RGPD3: variants seen among roughly 807,000 people sequenced by gnomAD.
RGPD3 encodes ranBP2-like and GRIP domain-containing protein 3.
RGPD3 carries 62 observed loss-of-function variants against 154.5 expected under a neutral mutation model. That is an observed-to-expected ratio of 0.40 (90% CI 0.33 to 0.50). RGPD3 has a LOEUF of 0.50. Among genes scored for constraint, RGPD3 ranks in the 20% least tolerant of loss-of-function variants. The pLI, the probability that RGPD3 is intolerant of heterozygous loss-of-function variation, is 0.59. For missense variants in RGPD3, 919 were observed against 1,716.8 expected (o/e 0.54, Z 8.21); for synonymous variants, 308 against 607.0 (o/e 0.51, Z 7.24).
chr2:106,455,113 A>G (rs1474196958), intron 4 of RGPD3, among the ~76,000 whole-genome samples: 4 of 152,262 alleles, frequency 2.6e-5, no homozygotes, highest in African/African-American at 9.6e-5. Context: ...AGTGGCAGTG[A>G]GCCGAGATAG....
chr2:106,412,363 A>C (rs1187941464), intron 22 of RGPD3, among the ~76,000 whole-genome samples: 1 of 118,462 alleles, frequency 8.4e-6, no homozygotes, highest in Non-Finnish European at 1.6e-5. Flanking sequence ...GTCAGGCTGG[A>C]GTACAGTGGT....
At chr2:106,451,097 AAAAC>A (rs1678108598) in intron 6 of RGPD3, among the ~76,000 whole-genome samples, 4 of 133,970 alleles carry the variant, frequency 3.0e-5, no homozygotes, top group Admixed American at 7.5e-5. Flanking sequence ...CAAAAAAAAA[AAAAC>A]AAAAAAGAAA....
At chr2:106,420,110 C>T (rs1367911059) in intron 20 of RGPD3, among the ~76,000 whole-genome samples, 1 of 148,894 alleles carries the variant, frequency 6.7e-6, no homozygotes, top group African/African-American at 2.5e-5. Context: ...TATTAGTATA[C>T]ATATGAAACT....
At position 106,467,009 on chromosome 2, in the gene RGPD3, C is replaced by G. The variant is rs1204514561; in HGVS notation, c.72+1208G>C. Among the ~76,000 whole-genome samples the G allele has an allele frequency of 7.5e-4, 95 of 127,082 alleles. 5 individuals are homozygous for G. The highest frequency in any genetic ancestry group is 2.4e-3 in the African/African-American group (90 of 37,524). The allele number at this position is 127,082 out of a possible 152,430, so 83.4% of individuals were successfully genotyped here. A position where few individuals can be genotyped will look rare whatever the true frequency, so the allele number is the denominator to read the frequency against. On this transcript the variant is annotated intron_variant, in intron 1 of 22. Coordinates refer to ENST00000409886, the MANE Select transcript of RGPD3 (RefSeq NM_001144013.2). ...CGAGGCTGCCGCCGCCTGGCCAGGT[C>G]GAGGCCGCCGCCGCCGCCTCAACAG... is the stretch of plus-strand genomic sequence containing the variant.
In RGPD3 at chr2:106,423,994, T is replaced by C; in HGVS notation, c.3973A>G (p.Thr1325Ala). 1 of 1,611,806 alleles carries C rather than the reference T, an allele frequency of 6.2e-7. No individual in the cohort carries two copies. The highest frequency in any genetic ancestry group is 8.5e-7 in the Non-Finnish European group (1 of 1,179,830). ...TGTCCATCTCTCTCTTCTTCTTGAG[T>C]AACATCAGATTCTTCATCAGTGCCA... is the stretch of plus-strand genomic sequence containing the variant. Reference protein sequence around the residue: ...SVGTDEESDVTQEEERDGQYF... With the variant: ...SVGTDEESDVAQEEERDGQYF... Residue 1325 changes from threonine (T) to alanine (A), a missense_variant, in exon 20 of 23, where the codon ACT becomes GCT. Physicochemically the swap from Thr to Ala is moderately conservative, Grantham distance 58 (BLOSUM62 0). Transcript: ENST00000409886.
intron 7 of RGPD3, among the ~76,000 whole-genome samples, chr2:106,441,624 G>T (rs1361678392): frequency 6.6e-6 from 1 of 151,096 alleles, no homozygotes; most frequent in Non-Finnish European, 1.5e-5. Context: ...GGAGGCCAAG[G>T]TGGGCTGATC....
chr2:106,467,803 C>T (rs1422156096), intron 1 of RGPD3, among the ~76,000 whole-genome samples: 2 of 142,612 alleles, frequency 1.4e-5, no homozygotes, highest in African/African-American at 5.4e-5. Context: ...CGGGCCAGGT[C>T]GAGGCCGCGG....
chr2:106,429,969 C>T (rs1473732976), intron 17 of RGPD3, among the ~76,000 whole-genome samples, 188 bp from the exon 18 acceptor site: 2 of 152,012 alleles, frequency 1.3e-5, no homozygotes, highest in Non-Finnish European at 2.9e-5. Flanking sequence ...CCGCAACCTC[C>T]ACCTCCTGGG....
chr2:106,404,147 C>CA lies in RGPD3; in HGVS notation c.*1071dup, dbSNP rs1276253288. The stretch of plus-strand genomic sequence containing the variant: ...GGAAAGCTTATGGAACACTATCTGC[C>CA]AAAAACACTGAAAGCACCACTTTTA... On this transcript the variant is annotated 3_prime_UTR_variant, in exon 23 of 23. Transcript: ENST00000409886. 5.1e-4 allele frequency among the ~76,000 whole-genome samples: 77 copies of CA among 151,526 alleles called. No homozygotes were observed. Among genetic ancestry groups the CA allele is most frequent in the African/African-American group, 1.8e-3 (75 of 40,918 alleles).
rs567154558 is a variant in RGPD3, at chr2:106,403,543, G to A, written c.*1676C>T. Among the ~76,000 whole-genome samples, 12 of 152,324 alleles carry A rather than the reference G, an allele frequency of 7.9e-5. No homozygotes were observed. The East Asian group carries it at 2.3e-3, about 30-fold the overall frequency. ...TATTTTGTTATGACATTTGTAAGTG[G>A]AGACTATATTTCAAAACAAGTTTAT... On this transcript the variant is annotated 3_prime_UTR_variant, in exon 23 of 23. Coordinates refer to ENST00000409886, the MANE Select transcript of RGPD3 (RefSeq NM_001144013.2).
rs1201405596 is a variant in RGPD3, at chr2:106,410,806, T to A, written c.5266+2278A>T. On this transcript the variant is annotated intron_variant, in intron 22 of 22. Coordinates refer to ENST00000409886, the MANE Select transcript of RGPD3 (RefSeq NM_001144013.2). ...AATTAAAGACAGTGAATTTGTAATC[T>A]GAATAACTACTAAAAATATACATGA... Among the ~76,000 whole-genome samples the A allele has an allele frequency of 2.0e-5, 3 of 152,062 alleles. No individual in the cohort carries two copies. In the East Asian group the frequency reaches 5.8e-4, roughly 29 times the overall value.
At chr2:106,438,459 G>A (rs1160297645) in intron 9 of RGPD3, among the ~76,000 whole-genome samples, 1 of 149,332 alleles carries the variant, frequency 6.7e-6, no homozygotes. Context: ...CTACACTCCA[G>A]CCCAGGTGAC....
chr2:106,449,591 C>T (rs1415873278), intron 6 of RGPD3, among the ~76,000 whole-genome samples: 1 of 151,686 alleles, frequency 6.6e-6, no homozygotes, highest in Admixed American at 6.6e-5. Context: ...AAATAACCCA[C>T]ATACGGCCGG....
At chr2:106,420,406 C>G (rs2104452300) in intron 20 of RGPD3, among the ~76,000 whole-genome samples, 1 of 151,886 alleles carries the variant, frequency 6.6e-6, no homozygotes, top group South Asian at 2.1e-4. Flanking sequence ...AGAAGAACTT[C>G]TGGCTAAAGG....
intron 7 of RGPD3, among the ~76,000 whole-genome samples, chr2:106,442,497 G>GA (rs200777302): frequency 0.33 from 32,184 of 98,860 alleles, 5,201 homozygotes; most frequent in East Asian, 0.62. Context: ...AATAACCTAT[G>GA]AAAAAAAAAA....
chr2:106,413,223 G>A lies in RGPD3; in HGVS notation c.5127C>T (p.Asn1709=), dbSNP rs567217661. The A allele has an allele frequency of 8.4e-5, 135 of 1,611,854 alleles. 1 individual carries two copies. The highest frequency in any genetic ancestry group is 7.9e-4 in the South Asian group (72 of 90,984). The change falls in exon 22 of 23, where the codon AAC becomes AAT. Residue 1709 remains asparagine (N), a synonymous_variant. Coordinates refer to ENST00000409886, the MANE Select transcript of RGPD3 (RefSeq NM_001144013.2). ...RNQEQEVSAA[N]VEHLKNVLLQ... is the part of the protein sequence containing the mutation. ...GCAAGACGTTCTTCAAGTGTTCCAC[G>A]TTAGCTGCAGACACCTCTTGCTCTT...
At chr2:106,446,569 C>T (rs866291483) in intron 7 of RGPD3, among the ~76,000 whole-genome samples, 5 of 20,552 alleles carry the variant, frequency 2.4e-4, no homozygotes, top group African/African-American at 9.8e-4. Flanking sequence ...GACTCCATCT[C>T]AAAAAAAAAA....
chr2:106,438,974 C>G lies in RGPD3; in HGVS notation c.1270G>C (p.Asp424His). Residue 424 changes from aspartate to histidine, a missense_variant, in exon 9 of 23, where the codon GAT becomes CAT. Physicochemically the swap from Asp to His is moderately conservative, Grantham distance 81. Coordinates refer to ENST00000409886, the MANE Select transcript of RGPD3 (RefSeq NM_001144013.2). Reference protein sequence around the residue: ...EPELEDLARYDVGAIRAHNGS... With the variant: ...EPELEDLARYHVGAIRAHNGS... ...TCTGAAACATATAACTTACCAACAT[C>G]GTATCTAGCCAAATCTTCAAGCTCT... 1 of 262,510 alleles carries G rather than the reference C, an allele frequency of 3.8e-6. No individual in the cohort carries two copies. Among genetic ancestry groups the G allele is most frequent in the Non-Finnish European group, 6.8e-6 (1 of 146,804 alleles). The allele number at this position is 262,510 out of a possible 1,614,324, so 16.3% of individuals were successfully genotyped here.
chr2:106,403,740 G>T lies in RGPD3; in HGVS notation c.*1479C>A, dbSNP rs1301637260. Among the ~76,000 whole-genome samples, 2 of 152,262 alleles carry T rather than the reference G, an allele frequency of 1.3e-5. No individual in the cohort carries two copies. The highest frequency in any genetic ancestry group is 4.8e-5 in the African/African-American group (2 of 41,484). ...TTTCATTCATACATTCGCTAGTTAGGTCTGTTCTTCTAAGGAGGAAAGACG... is the reference window on the plus strand; with the variant it reads ...TTTCATTCATACATTCGCTAGTTAGTTCTGTTCTTCTAAGGAGGAAAGACG... On this transcript the variant is annotated 3_prime_UTR_variant, in exon 23 of 23. Transcript: ENST00000409886.
Sources: allele counts gnomAD v4.1 joint callset (sites outside exome capture counted in the v4.1 genomes callset), GRCh38; gene constraint gnomAD v4.1.1; transcripts MANE v1.5; gene names NCBI Gene and HGNC (gene_info 2026-07-23, HGNC 2026-07-21).